The following SPAG16 variants were observed in gnomAD, a reference collection of about 807,000 sequenced individuals.
SPAG16 encodes the protein sperm-associated antigen 16 protein.
SPAG16 carries 86 observed loss-of-function variants against 80.4 expected under a neutral mutation model. The ratio of observed to expected loss-of-function variants is 1.07; its 90% CI spans 0.90 to 1.28. SPAG16 has a LOEUF of 1.28. Ranked by LOEUF, SPAG16 falls within the 50% of genes most tolerant of loss-of-function variation. The pLI, the probability that SPAG16 is intolerant of heterozygous loss-of-function variation, is 0.00. For synonymous variants in SPAG16, 294 were observed against 265.9 expected (o/e 1.11, Z -1.03); for missense variants, 870 against 765.3 (o/e 1.14, Z -1.61).
chr2:213,700,435 CT>C lies in SPAG16; in HGVS notation c.1071-162043del, dbSNP rs975260099. Among the ~76,000 whole-genome samples, 26 of 152,016 alleles carry C rather than the reference CT, an allele frequency of 1.7e-4. 1 individual carries two copies. The highest frequency in any genetic ancestry group is 2.8e-4 in the Non-Finnish European group (19 of 67,940). ...AAATATAACACATCATATTTATATC[CT>C]TTTTTTGCTGTAATGATGAATATTA... On this transcript the variant is annotated intron_variant, in intron 10 of 15. Transcript: ENST00000331683.
chr2:214,409,747 T>C (rs1310635074), intron 15 of SPAG16, among the ~76,000 whole-genome samples: 15 of 152,322 alleles, frequency 9.8e-5, no homozygotes, highest in Non-Finnish European at 2.9e-5. Context: ...CCATAAATTT[T>C]GAAAGCTATG....
chr2:214,172,233 T>C (rs2056895169), intron 15 of SPAG16, among the ~76,000 whole-genome samples: 5 of 152,032 alleles, frequency 3.3e-5, no homozygotes, highest in Admixed American at 3.3e-4. Context: ...CTCCTAATGC[T>C]ATCCCTCCCC....
intron 13 of SPAG16, among the ~76,000 whole-genome samples, chr2:214,073,232 C>CTTTTTTTTTTTTTTTTTTTT (rs67988930): frequency 2.1e-5 from 3 of 141,072 alleles, no homozygotes; most frequent in Non-Finnish European, 3.1e-5. Context: ...GAAATTTTTT[C>CTTTTTTTTTTTTTTTTTTTT]TTTTTTTTTT....
chr2:214,185,409 G>A (rs1334368932), intron 15 of SPAG16, among the ~76,000 whole-genome samples: 1 of 151,690 alleles, frequency 6.6e-6, no homozygotes, highest in Non-Finnish European at 1.5e-5. Flanking sequence ...TACTAATTTG[G>A]ACCAAAATAA....
At chr2:213,999,999 T>C (rs541578134) in intron 12 of SPAG16, among the ~76,000 whole-genome samples, 3 of 152,336 alleles carry the variant, frequency 2.0e-5, no homozygotes, top group Non-Finnish European at 4.4e-5. Context: ...GGGATTTGCC[T>C]TGTCTCAGAT....
At chr2:213,517,504 C>G (rs936696315) in intron 10 of SPAG16, among the ~76,000 whole-genome samples, 13 of 152,150 alleles carry the variant, frequency 8.5e-5, no homozygotes, top group African/African-American at 3.1e-4. Context: ...ATATTCAAAG[C>G]AATCCTGAGC....
intron 13 of SPAG16, among the ~76,000 whole-genome samples, chr2:214,078,989 G>T (rs1310172801): frequency 6.6e-6 from 1 of 152,058 alleles, no homozygotes; most frequent in South Asian, 2.1e-4. Context: ...CGAGAAGCTG[G>T]GTTAGCGCTT....
intron 11 of SPAG16, chr2:213,923,891 A>C (rs2078338575): frequency 6.6e-6 from 1 of 152,270 alleles, no homozygotes. Context: ...CCATGGCAAA[A>C]GTGGGTGGGG....
At chr2:213,622,328 T>C (rs927835635) in intron 10 of SPAG16, among the ~76,000 whole-genome samples, 6 of 152,228 alleles carry the variant, frequency 3.9e-5, no homozygotes, top group African/African-American at 1.4e-4. Context: ...CAGATCACCA[T>C]GTCCAGACAA....
At chr2:213,483,500 CTGTT>C (rs1271769671) in intron 9 of SPAG16, among the ~76,000 whole-genome samples, 1 of 152,156 alleles carries the variant, frequency 6.6e-6, no homozygotes, top group African/African-American at 2.4e-5. Context: ...AATCTTTTAA[CTGTT>C]TGCTAAATTT....
chr2:213,875,904 G>T (rs1022047447), intron 11 of SPAG16, among the ~76,000 whole-genome samples: 1 of 151,978 alleles, frequency 6.6e-6, no homozygotes, highest in Admixed American at 6.6e-5. Flanking sequence ...ACTTACTGTA[G>T]TTACATTAAA....
intron 15 of SPAG16, among the ~76,000 whole-genome samples, chr2:214,398,574 A>G (rs1701529525): frequency 6.6e-6 from 1 of 152,228 alleles, no homozygotes; most frequent in Non-Finnish European, 1.5e-5. Context: ...GTGAGAAAGT[A>G]TGATGGAGAG....
chr2:213,592,287 G>A (rs774993887), intron 10 of SPAG16, among the ~76,000 whole-genome samples: 101 of 152,208 alleles, frequency 6.6e-4, no homozygotes, highest in African/African-American at 2.0e-3. Context: ...TGCTTTACTC[G>A]TGTAAAATAA....
At chr2:213,453,678 T>C (rs1016724447) in intron 9 of SPAG16, among the ~76,000 whole-genome samples, 1 of 152,150 alleles carries the variant, frequency 6.6e-6, no homozygotes. Context: ...CCAGTTTCTG[T>C]ACTTGAGGGA....
At chr2:213,651,886 A>G (rs1011901000) in intron 10 of SPAG16, among the ~76,000 whole-genome samples, 14 of 152,206 alleles carry the variant, frequency 9.2e-5, no homozygotes, top group Non-Finnish European at 7.3e-5. Flanking sequence ...GAAAATACAA[A>G]TAGTAAATCA....
chr2:213,951,486 C>T (rs2079776051), intron 12 of SPAG16, among the ~76,000 whole-genome samples: 1 of 152,048 alleles, frequency 6.6e-6, no homozygotes, highest in Admixed American at 6.6e-5. Flanking sequence ...TTCTCCTGTT[C>T]TCAATTTAAA....
At chr2:213,972,028 A>G (rs2045092884) in intron 12 of SPAG16, among the ~76,000 whole-genome samples, 1 of 151,826 alleles carries the variant, frequency 6.6e-6, no homozygotes, top group Non-Finnish European at 1.5e-5. Flanking sequence ...TACAATGTAT[A>G]ATTATCACAT....
rs534638913 is a variant in SPAG16, at chr2:213,365,931, A to G, written c.832+1786A>G. On this transcript the variant is annotated intron_variant, in intron 8 of 15. Coordinates refer to ENST00000331683, the MANE Select transcript of SPAG16 (RefSeq NM_024532.5). Reference sequence around the variant, plus strand: ...GCTGAGGCGGGCGGATCACGAGGTCAGGAGATCGAGACCATCCCGGCTAAA... The same window carrying G: ...GCTGAGGCGGGCGGATCACGAGGTCGGGAGATCGAGACCATCCCGGCTAAA... Among the ~76,000 whole-genome samples the G allele has an allele frequency of 9.0e-3, 1,361 of 150,550 alleles. 7 individuals are homozygous for G. The highest frequency in any genetic ancestry group is 0.014 in the Non-Finnish European group (941 of 67,284).
intron 1 of SPAG16, among the ~76,000 whole-genome samples, chr2:213,292,481 G>A (rs1049507945): frequency 6.6e-6 from 1 of 151,198 alleles, no homozygotes; most frequent in Non-Finnish European, 1.5e-5. Flanking sequence ...CGGCTAAAAC[G>A]GTGAAACCCC....
Sources: gnomAD v4.1 joint callset for allele counts (sites outside exome capture counted in the v4.1 genomes callset) on GRCh38, gnomAD v4.1.1 for gene constraint, MANE v1.5 for transcripts, NCBI Gene and HGNC (gene_info 2026-07-23, HGNC 2026-07-21) for gene names.